SEMA3A: variants seen among roughly 807,000 people sequenced by gnomAD.
The protein encoded by SEMA3A is semaphorin-3A.
SEMA3A carries 29 observed loss-of-function variants against 97.9 expected under a neutral mutation model. The observed-to-expected ratio is 0.30, with a 90% CI of 0.22 to 0.40. SEMA3A has a LOEUF of 0.40. SEMA3A is among the 10% of genes least tolerant of loss of function. The pLI, the probability that SEMA3A is intolerant of heterozygous loss-of-function variation, is 1.00. For missense variants in SEMA3A, 763 were observed against 951.3 expected, an observed-to-expected ratio of 0.80 and a Z score of 2.60; for synonymous variants, 321 against 323.7, an observed-to-expected ratio of 0.99 and a Z score of 0.09.
At chr7:84,170,173 G>A (rs1274606840) in intron 1 of SEMA3A, among the ~76,000 whole-genome samples, 1 of 151,832 alleles carries the variant, frequency 6.6e-6, no homozygotes, top group African/African-American at 2.4e-5. Flanking sequence ...AACACTGCCT[G>A]GTGCTCTCAG....
Position 83,977,121 on chromosome 7 carries a change from A to G in SEMA3A, c.1717+11T>C. The G allele has an allele frequency of 6.6e-7, 1 of 1,519,904 alleles. No homozygotes were observed. The highest frequency in any genetic ancestry group is 8.9e-7 in the Non-Finnish European group (1 of 1,124,666). 94.2% of individuals were successfully genotyped at this position (1,519,904 alleles called of 1,614,324 possible). ...GTCTTAGCAGGTTGAAAGATGAAAA[A>G]TGTGACTTACCATGGTGTAAGTCTG... On this transcript the variant is annotated intron_variant, in intron 15 of 16. Coordinates refer to ENST00000265362, the MANE Select transcript of SEMA3A (RefSeq NM_006080.3).
At chr7:84,190,234 T>A (rs1004160987) in intron 1 of SEMA3A, among the ~76,000 whole-genome samples, 4 of 151,848 alleles carry the variant, frequency 2.6e-5, no homozygotes, top group East Asian at 1.9e-4. Flanking sequence ...CAAGCCCTCA[T>A]CTGATCTGAC....
chr7:84,446,056 G>T (rs1805407122), intron 1 of SEMA3A, among the ~76,000 whole-genome samples: 1 of 152,130 alleles, frequency 6.6e-6, no homozygotes, highest in Non-Finnish European at 1.5e-5. Flanking sequence ...AAATTGATGA[G>T]AAGAGGTCAC....
At chr7:84,167,918 G>A (rs1253752198) in intron 1 of SEMA3A, among the ~76,000 whole-genome samples, 1 of 152,080 alleles carries the variant, frequency 6.6e-6, no homozygotes, top group Non-Finnish European at 1.5e-5. Flanking sequence ...AAAATGAATG[G>A]CAGTATCGAA....
intron 3 of SEMA3A, among the ~76,000 whole-genome samples, chr7:84,249,935 T>C (rs1584167980): frequency 6.6e-6 from 1 of 151,596 alleles, no homozygotes; most frequent in Non-Finnish European, 1.5e-5. Context: ...CATCCTGTTT[T>C]TTTTTTTTTA....
chr7:84,040,418 T>C (rs1267999783), intron 6 of SEMA3A, among the ~76,000 whole-genome samples: 1 of 152,068 alleles, frequency 6.6e-6, no homozygotes, highest in Non-Finnish European at 1.5e-5. Context: ...ATAGCTTCAA[T>C]AGTTGAGCAA....
intron 6 of SEMA3A, 38 bp downstream of exon 6, chr7:84,046,286 A>C: frequency 6.2e-7 from 1 of 1,607,468 alleles, no homozygotes; most frequent in Non-Finnish European, 8.5e-7. Flanking sequence ...ATACAGTTAC[A>C]CATGTTACAT....
At chr7:84,148,238 T>C (rs1796523324) in intron 1 of SEMA3A, among the ~76,000 whole-genome samples, 1 of 152,084 alleles carries the variant, frequency 6.6e-6, no homozygotes, top group Non-Finnish European at 1.5e-5. Flanking sequence ...TCTTTTCTTT[T>C]TCTTTTTTTT....
intron 4 of SEMA3A, among the ~76,000 whole-genome samples, chr7:84,103,237 T>G (rs542589077): frequency 1.3e-5 from 2 of 152,138 alleles, no homozygotes; most frequent in Non-Finnish European, 2.9e-5. Context: ...TCTTCCTTCA[T>G]ACCATGAACT....
chr7:84,245,993 G>T (rs1411516276), intron 3 of SEMA3A, among the ~76,000 whole-genome samples: 1 of 152,190 alleles, frequency 6.6e-6, no homozygotes, highest in African/African-American at 2.4e-5. Flanking sequence ...CAGGGAGATG[G>T]GAGTTTTATC....
intron 6 of SEMA3A, among the ~76,000 whole-genome samples, chr7:84,037,503 T>C (rs578193115): frequency 6.6e-6 from 1 of 152,252 alleles, no homozygotes; most frequent in South Asian, 2.1e-4. Context: ...AATTTTTAAA[T>C]TATTTGTAGA....
chr7:84,315,227 C>T (rs569063901), intron 2 of SEMA3A, among the ~76,000 whole-genome samples: 4 of 151,950 alleles, frequency 2.6e-5, no homozygotes, highest in Admixed American at 6.6e-5. Context: ...AAATAGCAGA[C>T]GATTAGGCTG....
chr7:84,066,313 C>T (rs1483458789), intron 4 of SEMA3A, among the ~76,000 whole-genome samples: 10 of 152,028 alleles, frequency 6.6e-5, no homozygotes, highest in East Asian at 1.9e-4. Flanking sequence ...CATCCAATAT[C>T]ATACTGAATG....
At chr7:83,980,623 A>AAAAAAAATATATATAT (rs1310318006) in intron 14 of SEMA3A, among the ~76,000 whole-genome samples, 1 of 71,762 alleles carries the variant, frequency 1.4e-5, no homozygotes, top group African/African-American at 8.3e-5. Flanking sequence ...AAAAAAAAAA[A>AAAAAAAATATATATAT]ATATATATAT....
chr7:84,380,845 A>G (rs1803239976), intron 1 of SEMA3A, among the ~76,000 whole-genome samples: 1 of 152,172 alleles, frequency 6.6e-6, no homozygotes, highest in Non-Finnish European at 1.5e-5. Context: ...AGGGAGTTCA[A>G]TGTTTCTCAT....
chr7:84,440,325 A>G (rs940347397), intron 1 of SEMA3A, among the ~76,000 whole-genome samples: 2 of 152,174 alleles, frequency 1.3e-5, no homozygotes, highest in South Asian at 2.1e-4. Context: ...CCTCAGCACC[A>G]TATCAAGCAG....
chr7:84,003,512 C>A (rs1790543389), intron 11 of SEMA3A, among the ~76,000 whole-genome samples: 1 of 152,092 alleles, frequency 6.6e-6, no homozygotes. Context: ...TCTGTACTGA[C>A]CAATAGCCAT....
chr7:84,139,349 T>A (rs959660192), intron 1 of SEMA3A, among the ~76,000 whole-genome samples: 1 of 152,074 alleles, frequency 6.6e-6, no homozygotes, highest in Non-Finnish European at 1.5e-5. Flanking sequence ...AACTTCTACA[T>A]GCTGTGTCGA....
chr7:84,171,961 C>T (rs905593931), intron 1 of SEMA3A, among the ~76,000 whole-genome samples: 3 of 152,106 alleles, frequency 2.0e-5, no homozygotes, highest in Non-Finnish European at 4.4e-5. Flanking sequence ...CTTATAAGTT[C>T]AAGTGGTAGC....
Sources: allele counts gnomAD v4.1 joint callset (sites outside exome capture counted in the v4.1 genomes callset), GRCh38; gene constraint gnomAD v4.1.1; transcripts MANE v1.5; gene names NCBI Gene and HGNC (gene_info 2026-07-23, HGNC 2026-07-21).